TRIM24: variants seen among roughly 807,000 people sequenced by gnomAD.
TRIM24 encodes transcription intermediary factor 1-alpha.
TRIM24 carries 29 observed loss-of-function variants against 123.9 expected under a neutral mutation model. That is an observed-to-expected ratio of 0.23 (90% CI 0.17 to 0.32). TRIM24 has a LOEUF of 0.32. TRIM24 is among the 10% of genes least tolerant of loss of function. The pLI, the probability that TRIM24 is intolerant of heterozygous loss-of-function variation, is 1.00. For missense variants in TRIM24, 932 were observed against 1,295.3 expected (o/e 0.72, Z 4.31); for synonymous variants, 456 against 461.1 (o/e 0.99, Z 0.14).
chr7:138,581,904 G>A (rs1797902441), intron 17 of TRIM24, 133 bp downstream of exon 17: 1 of 640,144 alleles, frequency 1.6e-6, no homozygotes. Context: ...AATACATACT[G>A]AATGCTTTGA....
chr7:138,504,446 T>A, intron 2 of TRIM24, 38 bp downstream of exon 2: 78 of 254,838 alleles, frequency 3.1e-4, no homozygotes, highest in Middle Eastern at 1.3e-3. Context: ...GCCTGCCAGC[T>A]CTTTTTTTTT....
chr7:138,523,055 A>G (rs1796536132), intron 4 of TRIM24, among the ~76,000 whole-genome samples: 1 of 152,212 alleles, frequency 6.6e-6, no homozygotes, highest in Admixed American at 6.5e-5. Flanking sequence ...AAAGTAGGTA[A>G]TTAAACCCAA....
At chr7:138,558,261 C>T (rs1797356161) in intron 9 of TRIM24, among the ~76,000 whole-genome samples, 1 of 152,128 alleles carries the variant, frequency 6.6e-6, no homozygotes, top group Non-Finnish European at 1.5e-5. Flanking sequence ...CCTGCCCCAC[C>T]ATAAAGTCTT....
chr7:138,478,258 G>A (rs1240249747), intron 1 of TRIM24, among the ~76,000 whole-genome samples: 2 of 151,994 alleles, frequency 1.3e-5, no homozygotes, highest in African/African-American at 2.4e-5. Flanking sequence ...TATAAATCTT[G>A]GAATGTTGTA....
At chr7:138,566,926 G>C (rs896165808) in intron 9 of TRIM24, among the ~76,000 whole-genome samples, 2 of 152,088 alleles carry the variant, frequency 1.3e-5, no homozygotes, top group Non-Finnish European at 2.9e-5. Context: ...TGTTAATCTT[G>C]AGCAAGTTAC....
intron 4 of TRIM24, among the ~76,000 whole-genome samples, chr7:138,522,339 A>C (rs557677236): frequency 6.6e-6 from 1 of 151,994 alleles, no homozygotes; most frequent in East Asian, 1.9e-4. Flanking sequence ...TCCATCTCAA[A>C]AAAAAAAAAG....
At chr7:138,505,484 G>T (rs1208682738) in intron 2 of TRIM24, among the ~76,000 whole-genome samples, 1 of 151,266 alleles carries the variant, frequency 6.6e-6, no homozygotes, top group East Asian at 1.9e-4. Context: ...TACTTTGAAA[G>T]CTTCATTTGT....
chr7:138,479,914 G>A (rs984789445), intron 1 of TRIM24, among the ~76,000 whole-genome samples: 4 of 151,994 alleles, frequency 2.6e-5, no homozygotes, highest in Non-Finnish European at 5.9e-5. Flanking sequence ...CTGCCCCCGG[G>A]TTCAAGCGAT....
At chr7:138,530,857 T>A (rs1796717225) in intron 6 of TRIM24, among the ~76,000 whole-genome samples, 1 of 152,128 alleles carries the variant, frequency 6.6e-6, no homozygotes. Flanking sequence ...CCTCCCAGGC[T>A]CAAGCAATCT....
chr7:138,561,469 G>A (rs574170158), intron 9 of TRIM24, among the ~76,000 whole-genome samples: 16 of 152,140 alleles, frequency 1.1e-4, no homozygotes, highest in Non-Finnish European at 2.2e-4. Context: ...TTGGTATTGA[G>A]TCATTCTTAG....
chr7:138,572,370 C>T (rs752834953), intron 11 of TRIM24, among the ~76,000 whole-genome samples: 1 of 152,078 alleles, frequency 6.6e-6, no homozygotes, highest in Non-Finnish European at 1.5e-5. Context: ...AAAATATTGG[C>T]CAAGTATTGC....
intron 1 of TRIM24, among the ~76,000 whole-genome samples, chr7:138,489,256 G>A (rs572100846): frequency 6.6e-6 from 1 of 152,114 alleles, no homozygotes; most frequent in Non-Finnish European, 1.5e-5. Context: ...CACGTGAGAT[G>A]GGTCTCCCGA....
intron 15 of TRIM24, 34 bp downstream of exon 15, chr7:138,579,566 C>G: frequency 6.7e-7 from 1 of 1,502,216 alleles, no homozygotes; most frequent in Non-Finnish European, 9.0e-7. Context: ...CATTCTTTTA[C>G]TGTAAACTTT....
chr7:138,579,516 T>A lies in TRIM24; in HGVS notation c.2569T>A (p.Leu857Met). ...CCATCTTTCTTGTCATGTGCCCACA[T>A]TGACAAATTTTCCAAGGTAAGATAG... ...VFHLSCHVPT[L>M]TNFPSGEWIC... The change falls in exon 15 of 19, where the codon TTG (leucine) becomes ATG (methionine). Residue 857 changes from leucine to methionine, a missense_variant. By Grantham distance (15) the Leu-to-Met change is conservative (BLOSUM62 2). This residue lies in a region of TRIM24 where 45 missense variants were observed against 56.6 expected (regional missense o/e 0.80). Transcript: ENST00000343526. 1 of 1,603,208 alleles carries A rather than the reference T, an allele frequency of 6.2e-7. No individual in the cohort carries two copies. The highest frequency in any genetic ancestry group is 1.3e-5 in the African/African-American group (1 of 74,738).
intron 1 of TRIM24, among the ~76,000 whole-genome samples, chr7:138,480,730 G>T (rs1464375947): frequency 6.6e-6 from 1 of 152,096 alleles, no homozygotes. Flanking sequence ...CCCACTAGCA[G>T]TTCATGTATG....
At chr7:138,525,514 T>C (rs1034045617) in intron 5 of TRIM24, among the ~76,000 whole-genome samples, 157 bp downstream of exon 5, 2 of 152,170 alleles carry the variant, frequency 1.3e-5, no homozygotes, top group African/African-American at 4.8e-5. Context: ...TTGGAAAGCA[T>C]TCTTTTCTGC....
chr7:138,502,600 C>T (rs1796065335), intron 1 of TRIM24, among the ~76,000 whole-genome samples: 2 of 152,204 alleles, frequency 1.3e-5, no homozygotes, highest in Admixed American at 1.3e-4. Flanking sequence ...CCAGTCGTAG[C>T]ACCCAGTTTC....
At chr7:138,517,703 A>G (rs1796429500) in intron 3 of TRIM24, among the ~76,000 whole-genome samples, 1 of 152,104 alleles carries the variant, frequency 6.6e-6, no homozygotes, top group Admixed American at 6.5e-5. Context: ...GTCAATTTTG[A>G]CACTATTGAC....
Position 138,460,631 on chromosome 7 carries a change from G to T in TRIM24, c.83G>T (p.Ser28Ile), listed in dbSNP as rs1365145591. The T allele has an allele frequency of 3.5e-6, 5 of 1,431,572 alleles. No homozygotes were observed. Among genetic ancestry groups the T allele is most frequent in the Non-Finnish European group, 3.7e-6 (4 of 1,095,262 alleles). 88.7% of individuals were successfully genotyped at this position (1,431,572 alleles called of 1,614,324 possible). A position where few individuals can be genotyped will look rare whatever the true frequency, so the allele number is the denominator to read the frequency against. Reference sequence around the variant, plus strand: ...TCCGGGGGGCCCTCGGCGGCGCCGAGCGGGGAGAACGAGGCCGAGAGTCGG... The same window carrying T: ...TCCGGGGGGCCCTCGGCGGCGCCGATCGGGGAGAACGAGGCCGAGAGTCGG... ...AASGGPSAAP[S>I]GENEAESRQG... The change falls in exon 1 of 19, where the codon AGC becomes ATC. Residue 28 changes from serine to isoleucine, a missense_variant. Physicochemically the swap from Ser to Ile is moderately radical, Grantham distance 142. Coordinates refer to ENST00000343526, the MANE Select transcript of TRIM24 (RefSeq NM_015905.3).
Sources: gnomAD v4.1 joint callset for allele counts (sites outside exome capture counted in the v4.1 genomes callset) on GRCh38, gnomAD v4.1.1 for gene constraint, gnomAD v4.1.1 regional missense constraint, MANE v1.5 for transcripts, NCBI Gene and HGNC (gene_info 2026-07-23, HGNC 2026-07-21) for gene names.